Variants in SP4 observed in about 807,000 individuals in gnomAD.
The protein encoded by SP4 is transcription factor Sp4.
In SP4, 19 loss-of-function variants were observed where a neutral mutation model predicts 72.8. The ratio of observed to expected loss-of-function variants is 0.26; its 90% CI spans 0.18 to 0.38. The LOEUF (loss-of-function observed/expected upper bound fraction) is 0.38, where lower values mean the gene tolerates loss of function less well. Ranked by LOEUF, SP4 falls within the 10% of genes least tolerant of loss-of-function variation. The probability of loss-of-function intolerance (pLI) is 1.00; values close to 1 mark genes in which losing one functional copy is unlikely to be tolerated. For synonymous variants in SP4, 395 were observed against 333.1 expected (o/e 1.19, Z -2.02); for missense variants, 1,008 against 926.3 (o/e 1.09, Z -1.14).
chr7:21,476,116 C>CA (rs1158259497), intron 3 of SP4, among the ~76,000 whole-genome samples: 3 of 151,108 alleles, frequency 2.0e-5, no homozygotes, highest in East Asian at 1.9e-4. Context: ...ACTAAAAATA[C>CA]AAAAAAAATT....
At chr7:21,465,956 G>T (rs946478074) in intron 3 of SP4, among the ~76,000 whole-genome samples, 4 of 152,002 alleles carry the variant, frequency 2.6e-5, no homozygotes, top group African/African-American at 7.3e-5. Flanking sequence ...ATCTCCAGTG[G>T]TATGCTGTCT....
At chr7:21,452,677 C>T (rs772246997) in intron 3 of SP4, among the ~76,000 whole-genome samples, 1 of 152,080 alleles carries the variant, frequency 6.6e-6, no homozygotes, top group Non-Finnish European at 1.5e-5. Flanking sequence ...ATGCAAATAA[C>T]TATATTGCCA....
In SP4 at chr7:21,511,253, A is replaced by G. The variant is rs1368031304; in HGVS notation, c.2339A>G (p.Asn780Ser). ...CCAGCAACTCCCAATGTTTCAACCAACATGGAAGAATTCTGAAAAGTTATT... is the reference window on the plus strand; with the variant it reads ...CCAGCAACTCCCAATGTTTCAACCAGCATGGAAGAATTCTGAAAAGTTATT... ...SNPATPNVST[N>S]MEEF The change falls in exon 6 of 6, where the codon AAC becomes AGC. Residue 780 changes from asparagine to serine, a missense_variant. Around this residue, in one of 3 missense-constraint regions of SP4, gnomAD observed 67 missense variants for 66.1 expected, o/e 1.01. Transcript: ENST00000222584. The G allele has an allele frequency of 6.2e-7, 1 of 1,613,922 alleles. No individual in the cohort carries two copies. The highest frequency in any genetic ancestry group is 8.5e-7 in the Non-Finnish European group (1 of 1,179,948).
At chr7:21,436,310 G>A (rs982252636) in intron 3 of SP4, among the ~76,000 whole-genome samples, 1 of 152,124 alleles carries the variant, frequency 6.6e-6, no homozygotes, top group African/African-American at 2.4e-5. Flanking sequence ...TATTGGGGCA[G>A]GCATGAAAGC....
intron 3 of SP4, among the ~76,000 whole-genome samples, chr7:21,461,572 C>T (rs960420005): frequency 6.6e-6 from 1 of 152,178 alleles, no homozygotes; most frequent in African/African-American, 2.4e-5. Context: ...CCACCCGGAA[C>T]TCTAGCTGGC....
intron 3 of SP4, among the ~76,000 whole-genome samples, chr7:21,445,707 G>A (rs1783400852): frequency 6.6e-6 from 1 of 152,024 alleles, no homozygotes; most frequent in Admixed American, 6.6e-5. Context: ...ATACATGGCG[G>A]GTGTTGAGAA....
At chr7:21,437,943 C>T (rs77454671) in intron 3 of SP4, among the ~76,000 whole-genome samples, 2,672 of 150,624 alleles carry the variant, frequency 0.018, 70 homozygotes, top group African/African-American at 0.062. Context: ...AATCAAAGAA[C>T]GGAGTTTTAT....
intron 5 of SP4, among the ~76,000 whole-genome samples, chr7:21,500,634 C>T (rs1307290262): frequency 6.6e-6 from 1 of 152,124 alleles, no homozygotes; most frequent in Non-Finnish European, 1.5e-5. Context: ...TTGGGAGCCT[C>T]CAGTGTTTAC....
rs1784878096 is a variant in SP4 at position 21,488,329 on chromosome 7, G to A, written c.2107+6206G>A. On this transcript the variant is annotated intron_variant, in intron 5 of 5. Transcript: ENST00000222584. ...TTTTTTGATAGTAGTTATAGTCTAT[G>A]TATGGACTTTAATTTTGTTTTATGT... 2.0e-5 allele frequency among the ~76,000 whole-genome samples: 3 copies of A among 152,048 alleles called. No homozygotes were observed. In the South Asian group the frequency reaches 6.2e-4, roughly 32 times the overall value.
chr7:21,508,375 A>G (rs944747001), intron 5 of SP4, among the ~76,000 whole-genome samples: 3 of 152,070 alleles, frequency 2.0e-5, no homozygotes, highest in African/African-American at 7.2e-5. Context: ...ACAGCAGGTA[A>G]TTTATTTCCT....
chr7:21,433,826 G>A (rs1333654442), intron 3 of SP4, among the ~76,000 whole-genome samples: 1 of 152,138 alleles, frequency 6.6e-6, no homozygotes, highest in Non-Finnish European at 1.5e-5. Context: ...CGTAGTCCCA[G>A]CTACTCAGGA....
chr7:21,449,114 C>A (rs1014260941), intron 3 of SP4, among the ~76,000 whole-genome samples: 34 of 152,178 alleles, frequency 2.2e-4, no homozygotes, highest in Non-Finnish European at 4.6e-4. Flanking sequence ...GCTCTAATCA[C>A]CCCCCAGGGC....
chr7:21,449,366 G>A (rs752039453), intron 3 of SP4, among the ~76,000 whole-genome samples: 11 of 152,108 alleles, frequency 7.2e-5, no homozygotes, highest in Non-Finnish European at 8.8e-5. Context: ...CTTTTCAGTG[G>A]CAATCAATTT....
chr7:21,507,081 G>A (rs1782017962), intron 5 of SP4, among the ~76,000 whole-genome samples: 1 of 152,182 alleles, frequency 6.6e-6, no homozygotes, highest in African/African-American at 2.4e-5. Flanking sequence ...CCTATGAATA[G>A]GATATTCTTG....
At chr7:21,485,284 A>G (rs1256353618) in intron 5 of SP4, among the ~76,000 whole-genome samples, 1 of 151,960 alleles carries the variant, frequency 6.6e-6, no homozygotes, top group Non-Finnish European at 1.5e-5. Flanking sequence ...GCTATGAATG[A>G]ATGGAGTTAT....
intron 3 of SP4, among the ~76,000 whole-genome samples, chr7:21,450,559 C>T (rs1463549068): frequency 6.6e-6 from 1 of 151,974 alleles, no homozygotes; most frequent in African/African-American, 2.4e-5. Flanking sequence ...CATACAGCCA[C>T]TTGTGATAGT....
intron 3 of SP4, among the ~76,000 whole-genome samples, chr7:21,449,120 AG>A (rs910239152): frequency 2.0e-5 from 3 of 152,142 alleles, no homozygotes; most frequent in Non-Finnish European, 4.4e-5. Flanking sequence ...ATCACCCCCC[AG>A]GGCGAGGTAC....
chr7:21,495,202 G>A (rs1207582373), intron 5 of SP4, among the ~76,000 whole-genome samples: 1 of 152,074 alleles, frequency 6.6e-6, no homozygotes, highest in East Asian at 1.9e-4. Context: ...AACTCCGAAA[G>A]TGTAATCCAT....
rs888156049 is a variant in SP4 at position 21,430,578 on chromosome 7, T to C, written c.1413T>C (p.Thr471=). The C allele has an allele frequency of 3.7e-6, 6 of 1,614,112 alleles. No individual in the cohort carries two copies. The African/African-American group carries it at 5.3e-5, about 14-fold the overall frequency. Residue 471 remains threonine, a synonymous_variant, in exon 3 of 6, where the codon ACT becomes ACC. Transcript: ENST00000222584. ...LTPSGQISWQ[T]VQVQNIQSLS... ...CTTCAGGGCAAATCAGTTGGCAAACTGTACAGGTTCAGAATATTCAGAGTC... is the reference window on the plus strand; with the variant it reads ...CTTCAGGGCAAATCAGTTGGCAAACCGTACAGGTTCAGAATATTCAGAGTC...
Sources: gnomAD v4.1 joint callset for allele counts (sites outside exome capture counted in the v4.1 genomes callset) on GRCh38, gnomAD v4.1.1 for gene constraint, gnomAD v4.1.1 regional missense constraint, MANE v1.5 for transcripts, NCBI Gene and HGNC (gene_info 2026-07-23, HGNC 2026-07-21) for gene names.